The following MYO10 variants were observed in gnomAD, a reference collection of about 807,000 sequenced individuals.
MYO10 encodes myosin X.
In MYO10, 133 loss-of-function variants were observed where a neutral mutation model predicts 257.3. The ratio of observed to expected loss-of-function variants is 0.52; its 90% CI spans 0.45 to 0.60. The LOEUF (loss-of-function observed/expected upper bound fraction) is 0.60. MYO10 is among the 20% of genes least tolerant of loss of function. The pLI is 0.00. For missense variants in MYO10, 2,399 were observed against 2,635.7 expected (o/e 0.91, Z 1.97); for synonymous variants, 1,104 against 1,028.6 (o/e 1.07, Z -1.40).
chr5:16,665,184 C>T lies in MYO10; in HGVS notation c.*1508G>A, dbSNP rs1052094975. ...CGCCACTGTACTCCAGCCTGGGTAA[C>T]AGAGTGAGACTCTGTCTCTAAAGAA... is the stretch of plus-strand genomic sequence containing the variant. On this transcript the variant is annotated 3_prime_UTR_variant, in exon 41 of 41. Coordinates refer to ENST00000513610, the MANE Select transcript of MYO10 (RefSeq NM_012334.3). 6.8e-6 allele frequency: 1 copy of T among 146,396 alleles called. No homozygotes were observed. Among genetic ancestry groups the T allele is most frequent in the African/African-American group, 2.5e-5 (1 of 39,734 alleles). 9.1% of individuals were successfully genotyped at this position (146,396 alleles called of 1,614,324 possible).
chr5:16,777,385 G>A (rs189998911), intron 9 of MYO10, among the ~76,000 whole-genome samples: 69 of 152,292 alleles, frequency 4.5e-4, no homozygotes, highest in Admixed American at 2.2e-3. Context: ...AACTTAAGGA[G>A]ACACATGTTA....
At chr5:16,877,512 G>A (rs1320375343) in intron 2 of MYO10, 97 bp downstream of exon 2, 17 of 840,678 alleles carry the variant, frequency 2.0e-5, no homozygotes, top group Non-Finnish European at 2.5e-5. Context: ...AATGTAAAGC[G>A]TGTGTATGTG....
chr5:16,900,160 T>C (rs1745336696), intron 1 of MYO10, among the ~76,000 whole-genome samples: 1 of 152,208 alleles, frequency 6.6e-6, no homozygotes, highest in South Asian at 2.1e-4. Flanking sequence ...TCTAAATTCT[T>C]GAACACTGAA....
chr5:16,736,243 T>G (rs1037368962), intron 19 of MYO10, among the ~76,000 whole-genome samples: 8 of 152,318 alleles, frequency 5.3e-5, no homozygotes, highest in African/African-American at 1.9e-4. Context: ...GCGGCGATTG[T>G]ACTGTAGTTA....
chr5:16,757,976 A>T, intron 18 of MYO10, 142 bp downstream of exon 18: 1 of 683,716 alleles, frequency 1.5e-6, no homozygotes, highest in Non-Finnish European at 2.5e-6. Flanking sequence ...TTTCTAAAGC[A>T]CTATCTGGTT....
At chr5:16,914,688 C>T (rs1234386526) in intron 1 of MYO10, among the ~76,000 whole-genome samples, 1 of 152,210 alleles carries the variant, frequency 6.6e-6, no homozygotes, top group Non-Finnish European at 1.5e-5. Flanking sequence ...TAATCACTGC[C>T]TAGTATGGGA....
intron 1 of MYO10, among the ~76,000 whole-genome samples, chr5:16,913,333 T>C (rs1347207889): frequency 2.0e-5 from 3 of 152,200 alleles, no homozygotes; most frequent in South Asian, 2.1e-4. Context: ...CAGAGATGCA[T>C]AGTTGGTAAT....
rs531272322 is a variant in MYO10, at chr5:16,829,359, G to A, written c.121-11192C>T. ...CAACACTAACATCAAACACAGCACC[G>A]AGACTTTCTAGAGACAAGAGATAAA... On this transcript the variant is annotated intron_variant, in intron 2 of 40. Coordinates refer to ENST00000513610, the MANE Select transcript of MYO10 (RefSeq NM_012334.3). 1.2e-4 allele frequency among the ~76,000 whole-genome samples: 18 copies of A among 152,252 alleles called. No homozygotes were observed. In the East Asian group the frequency reaches 1.5e-3, roughly 13 times the overall value.
At position 16,794,806 on chromosome 5, in the gene MYO10, C is replaced by G. The variant is rs781115805; in HGVS notation, c.307G>C (p.Val103Leu). 5.2e-5 allele frequency: 82 copies of G among 1,583,530 alleles called. No homozygotes were observed. Among genetic ancestry groups the G allele is most frequent in the Non-Finnish European group, 6.2e-5 (72 of 1,164,526 alleles). Residue 103 changes from valine (V) to leucine (L), a missense_variant, in exon 4 of 41, where the codon GTG becomes CTG. Coordinates refer to ENST00000513610, the MANE Select transcript of MYO10 (RefSeq NM_012334.3). ...YTYIGSILASVNPYQPIAGLY... is the reference protein window; with the variant it reads ...YTYIGSILASLNPYQPIAGLY... ...CCGGCGATGGGCTGGTAGGGGTTCA[C>G]GGAGGCCAGGATGGAGCCGATGTAG...
At position 16,748,621 on chromosome 5, in the gene MYO10, A is replaced by AGAGGGAGGGAGGGAGG. The variant is rs34338717; in HGVS notation, c.1929+6191_1929+6206dup. On this transcript the variant is annotated intron_variant, in intron 19 of 40. Coordinates refer to ENST00000513610, the MANE Select transcript of MYO10 (RefSeq NM_012334.3). ...AAAAGAAAAAGAGGGAGAGAGGGAG[A>AGAGGGAGGGAGGGAGG]GAGGGAGGGAGGGAGGGAGGGAGAA... Among the ~76,000 whole-genome samples the AGAGGGAGGGAGGGAGG allele has an allele frequency of 9.5e-4, 129 of 135,492 alleles. 1 individual carries two copies. Among genetic ancestry groups the AGAGGGAGGGAGGGAGG allele is most frequent in the Middle Eastern group, 3.7e-3 (1 of 272 alleles). The allele number at this position is 135,492 out of a possible 152,430, so 88.9% of individuals were successfully genotyped here. A position where few individuals can be genotyped will look rare whatever the true frequency, so the allele number is the denominator to read the frequency against.
chr5:16,720,152 A>C (rs1161884415), intron 19 of MYO10, among the ~76,000 whole-genome samples: 1 of 152,106 alleles, frequency 6.6e-6, no homozygotes, highest in Non-Finnish European at 1.5e-5. Context: ...CCCAGATTAG[A>C]TCTGCTTAGG....
At chr5:16,922,957 G>C (rs1420548498) in intron 1 of MYO10, among the ~76,000 whole-genome samples, 1 of 152,130 alleles carries the variant, frequency 6.6e-6, no homozygotes, top group Non-Finnish European at 1.5e-5. Context: ...CTTGAGCCTG[G>C]GAGGTGGAGG....
rs186350137 is a variant in MYO10 at position 16,671,697 on chromosome 5, G to A, written c.5310-155C>T. On this transcript the variant is annotated intron_variant, in intron 37 of 40. Coordinates refer to ENST00000513610, the MANE Select transcript of MYO10 (RefSeq NM_012334.3). ...AGAGATGGGGATAGAGGAATAAACA[G>A]AGTGAAAAAACGTACTTTCATCCTG... Among the ~76,000 whole-genome samples, 38 of 152,222 alleles carry A rather than the reference G, an allele frequency of 2.5e-4. 1 individual carries two copies. The highest frequency in any genetic ancestry group is 1.6e-3 in the Admixed American group (25 of 15,294).
intron 2 of MYO10, among the ~76,000 whole-genome samples, chr5:16,862,095 C>A (rs1403086793): frequency 6.6e-6 from 1 of 152,150 alleles, no homozygotes; most frequent in African/African-American, 2.4e-5. Flanking sequence ...ATGAGGAGGT[C>A]ATGGCTTAGA....
At position 16,919,058 on chromosome 5, in the gene MYO10, A is replaced by G. The variant is rs184048036; in HGVS notation, c.21+16730T>C. Among the ~76,000 whole-genome samples, 550 of 152,204 alleles carry G rather than the reference A, an allele frequency of 3.6e-3. 5 individuals carry two copies. Among genetic ancestry groups the G allele is most frequent in the African/African-American group, 0.013 (531 of 41,504 alleles). ...TATGCATTCCTGAAGATTTCCACAC[A>G]GTCTCTATTCTTCCGACTTCAAAAG... On this transcript the variant is annotated intron_variant, in intron 1 of 40. Coordinates refer to ENST00000513610, the MANE Select transcript of MYO10 (RefSeq NM_012334.3).
rs56407231 is a variant in MYO10 at position 16,761,915 on chromosome 5, A to C, written c.1656+130T>G. 0.2 allele frequency: 188,916 copies of C among 948,976 alleles called. 20,113 individuals are homozygous for C. The highest frequency in any genetic ancestry group is 0.21 in the Non-Finnish European group (141,569 of 665,708). The allele number at this position is 948,976 out of a possible 1,614,324, so 58.8% of individuals were successfully genotyped here. ...TGATCCTCCTGCCTCAGCCTCCCAA[A>C]GTACTGGGACTGTAGGCTCATGTGA... On this transcript the variant is annotated intron_variant, in intron 16 of 40. Coordinates refer to ENST00000513610, the MANE Select transcript of MYO10 (RefSeq NM_012334.3).
chr5:16,904,872 T>A (rs905571813), intron 1 of MYO10, among the ~76,000 whole-genome samples: 2 of 150,086 alleles, frequency 1.3e-5, no homozygotes, highest in African/African-American at 4.9e-5. Context: ...GAGCTTGCAG[T>A]GAGCCGAGAT....
chr5:16,885,947 C>G (rs1744885608), intron 1 of MYO10, among the ~76,000 whole-genome samples: 1 of 152,130 alleles, frequency 6.6e-6, no homozygotes, highest in Non-Finnish European at 1.5e-5. Context: ...CAGTCGGTGG[C>G]CTTCATAGGT....
At chr5:16,694,788 C>T (rs543416109) in intron 26 of MYO10, among the ~76,000 whole-genome samples, 174 bp from the exon 27 acceptor site, 12 of 152,300 alleles carry the variant, frequency 7.9e-5, no homozygotes, top group African/African-American at 2.9e-4. Flanking sequence ...CTGGGGGCAC[C>T]ACACAGATGT....
Sources: allele counts gnomAD v4.1 joint callset (sites outside exome capture counted in the v4.1 genomes callset), GRCh38; gene constraint gnomAD v4.1.1; transcripts MANE v1.5; gene names NCBI Gene and HGNC (gene_info 2026-07-23, HGNC 2026-07-21).